The following MEX3D variants were observed in gnomAD, a reference collection of about 807,000 sequenced individuals.
MEX3D encodes RNA-binding protein MEX3D.
A neutral mutation model predicts 6.3 loss-of-function variants in MEX3D; 4 were observed. The ratio of observed to expected loss-of-function variants is 0.64; its 90% confidence interval spans 0.31 to 1.46. The LOEUF is 1.46. Ranked by LOEUF, MEX3D falls within the 40% of genes most tolerant of loss-of-function variation. The probability of loss-of-function intolerance (pLI) is 0.07; values close to 1 mark genes in which losing one functional copy is unlikely to be tolerated. For missense variants in MEX3D, 1,038 were observed against 994.4 expected, an observed-to-expected ratio of 1.04 and a Z score of -0.59; for synonymous variants, 626 against 494.1, an observed-to-expected ratio of 1.27 and a Z score of -3.54.
rs1254923839 is a variant in MEX3D at position 1,554,871 on chromosome 19, C to T, written c.*692G>A. The T allele has an allele frequency of 1.2e-4, 18 of 148,160 alleles. No individual in the cohort carries two copies. Among genetic ancestry groups the T allele is most frequent in the Admixed American group, 1.1e-3 (17 of 14,822 alleles). The allele number at this position is 148,160 out of a possible 1,614,324, so 9.2% of individuals were successfully genotyped here. A position where few individuals can be genotyped will look rare whatever the true frequency, so the allele number is the denominator to read the frequency against. On this transcript the variant is annotated 3_prime_UTR_variant, in exon 2 of 2. Coordinates refer to ENST00000402693, the MANE Select transcript of MEX3D (RefSeq NM_203304.4). ...TTTATTCCATAAAGTACATATTTCCCTATAAATTCCCTACATATACACAAG... is the reference window on the plus strand; with the variant it reads ...TTTATTCCATAAAGTACATATTTCCTTATAAATTCCCTACATATACACAAG...
In MEX3D at chr19:1,555,567, G is replaced by T. The variant is rs1019812452; in HGVS notation, c.1952C>A (p.Ser651Tyr). ...TPATQAIHIF[S>Y] ...GGCCACGTGGTGGTCCGCGCTCTAG[G>T]AAAAGATATGAATGGCCTGGGTGGC... Residue 651 changes from serine (S) to tyrosine (Y), a missense_variant, in exon 2 of 2, where the codon TCC becomes TAC. Ser to Tyr is a moderately radical substitution (Grantham distance 144). Coordinates refer to ENST00000402693, the MANE Select transcript of MEX3D (RefSeq NM_203304.4). The T allele has an allele frequency of 1.3e-6, 2 of 1,580,704 alleles. No homozygotes were observed. The highest frequency in any genetic ancestry group is 1.8e-5 in the Admixed American group (1 of 56,376).
rs1378472667 is a variant in MEX3D, at chr19:1,555,646, C to G, written c.1873G>C (p.Ala625Pro). Residue 625 changes from alanine to proline, a missense_variant, in exon 2 of 2, where the codon GCC (alanine) becomes CCC (proline). Ala to Pro is a conservative substitution (Grantham distance 27, BLOSUM62 -1). Around this residue, in one of 5 missense-constraint regions of MEX3D, gnomAD observed 581 missense variants for 516.2 expected, o/e 1.13. Coordinates refer to ENST00000402693, the MANE Select transcript of MEX3D (RefSeq NM_203304.4). ...CGHNLFCMDC[A>P]VRICGKSEPE... ...TCGCTCTTGCCGCAGATGCGGACGG[C>G]GCAGTCCATGCAGAAGAGGTTGTGG... is the stretch of plus-strand genomic sequence containing the variant. The G allele has an allele frequency of 6.3e-7, 1 of 1,587,694 alleles. No individual in the cohort carries two copies. The highest frequency in any genetic ancestry group is 1.1e-5 in the South Asian group (1 of 87,578).
chr19:1,555,708 G>C lies in MEX3D; in HGVS notation c.1811C>G (p.Ala604Gly). The C allele has an allele frequency of 6.4e-7, 1 of 1,551,810 alleles. No homozygotes were observed. Among genetic ancestry groups the C allele is most frequent in the Non-Finnish European group, 8.7e-7 (1 of 1,154,176 alleles). ...PALARECVVC[A>G]EGEVMAALVP... ...CAGCGCAGCCATCACCTCGCCCTCG[G>C]CGCACACCACGCACTCTCGCGCCAG... Residue 604 changes from alanine (A) to glycine (G), a missense_variant, in exon 2 of 2, where the codon GCC becomes GGC. Around this residue, in one of 5 missense-constraint regions of MEX3D, gnomAD observed 581 missense variants for 516.2 expected, o/e 1.13. Coordinates refer to ENST00000402693, the MANE Select transcript of MEX3D (RefSeq NM_203304.4).
chr19:1,566,871 G>A (rs1462533470), intron 1 of MEX3D, among the ~76,000 whole-genome samples: 2 of 152,120 alleles, frequency 1.3e-5, no homozygotes, highest in Non-Finnish European at 2.9e-5. Flanking sequence ...CCCCAGAAGT[G>A]GCTTTGACAG....
At chr19:1,566,123 A>G (rs997237155) in intron 1 of MEX3D, among the ~76,000 whole-genome samples, 5 of 152,162 alleles carry the variant, frequency 3.3e-5, no homozygotes, top group South Asian at 2.1e-4. Flanking sequence ...GAAGGCCTCA[A>G]TGGGGAGGCA....
In MEX3D at chr19:1,556,087, G is replaced by C. The variant is rs1914539593; in HGVS notation, c.1432C>G (p.Arg478Gly). Reference protein sequence around the residue: ...AAATIWAPFERAAPLPAFSGC... With the variant: ...AAATIWAPFEGAAPLPAFSGC... The stretch of plus-strand genomic sequence containing the variant: ...CTGAAGGCGGGCAAGGGGGCGGCGC[G>C]CTCAAAAGGCGCCCAGATGGTGGCC... The change falls in exon 2 of 2, where the codon CGC becomes GGC. Residue 478 changes from arginine (R) to glycine (G), a missense_variant. Arg to Gly is a moderately radical substitution (Grantham distance 125). Around this residue, in one of 5 missense-constraint regions of MEX3D, gnomAD observed 581 missense variants for 516.2 expected, o/e 1.13. Transcript: ENST00000402693. The surrounding 1 kb of genome is among the most constrained non-coding windows in gnomAD (Gnocchi z 7.5). The C allele has an allele frequency of 7.0e-7, 1 of 1,435,528 alleles. No homozygotes were observed. The highest frequency in any genetic ancestry group is 9.1e-7 in the Non-Finnish European group (1 of 1,093,450). 88.9% of individuals were successfully genotyped at this position (1,435,528 alleles called of 1,614,324 possible). A position where few individuals can be genotyped will look rare whatever the true frequency, so the allele number is the denominator to read the frequency against.
Position 1,562,131 on chromosome 19 carries a change from G to A in MEX3D, c.596-5208C>T, listed in dbSNP as rs145465314. Among the ~76,000 whole-genome samples, 4,364 of 151,872 alleles carry A rather than the reference G, an allele frequency of 0.029. 365 individuals are homozygous for A. In the East Asian group the frequency reaches 0.34, roughly 12 times the overall value. On this transcript the variant is annotated intron_variant, in intron 1 of 1. Coordinates refer to ENST00000402693, the MANE Select transcript of MEX3D (RefSeq NM_203304.4). ...AAAAAATTAGCCGGGTGTGGTGGTG[G>A]GCGCCTGTAGTCCCAGCTACTTGGG...
rs1459591823 is a variant in MEX3D at position 1,568,258 on chromosome 19, C to T, written c.-200G>A. Among the ~76,000 whole-genome samples, 1 of 141,064 alleles carries T rather than the reference C, an allele frequency of 7.1e-6. No individual in the cohort carries two copies. The highest frequency in any genetic ancestry group is 2.1e-4 in the East Asian group (1 of 4,676). 92.5% of individuals were successfully genotyped at this position (141,064 alleles called of 152,430 possible). A position where few individuals can be genotyped will look rare whatever the true frequency, so the allele number is the denominator to read the frequency against. Reference sequence around the variant, plus strand: ...GGGCCGGGCCGGGCGGCGGCAGCGACTCTGGCTGCGGCTCGGCGGCGGCGG... The same window carrying T: ...GGGCCGGGCCGGGCGGCGGCAGCGATTCTGGCTGCGGCTCGGCGGCGGCGG... On this transcript the variant is annotated 5_prime_UTR_variant, in exon 1 of 2. Coordinates refer to ENST00000402693, the MANE Select transcript of MEX3D (RefSeq NM_203304.4).
chr19:1,558,757 G>C (rs574328367), intron 1 of MEX3D, among the ~76,000 whole-genome samples: 1 of 152,198 alleles, frequency 6.6e-6, no homozygotes, highest in Non-Finnish European at 1.5e-5. Context: ...GACTGCAGAC[G>C]CCCGCACCCT....
At chr19:1,557,634 G>A (rs2054264158) in intron 1 of MEX3D, among the ~76,000 whole-genome samples, 2 of 150,654 alleles carry the variant, frequency 1.3e-5, no homozygotes, top group Non-Finnish European at 1.5e-5. Flanking sequence ...GCCAAGTTGG[G>A]TGGATCACGA....
rs1420695092 is a variant in MEX3D, at chr19:1,556,970, G to A, written c.596-47C>T. 1.5e-5 allele frequency: 23 copies of A among 1,544,042 alleles called. No individual in the cohort carries two copies. Among genetic ancestry groups the A allele is most frequent in the African/African-American group, 4.1e-5 (3 of 73,296 alleles). ...GACAAGGTGACCCAGAGCCCCCTGC[G>A]CAGCTCAGCCCCGCTGGGCATGCAG... On this transcript the variant is annotated intron_variant, in intron 1 of 1. Transcript: ENST00000402693. This position sits in a 1 kb window ranked among gnomAD's most constrained non-coding sequence, Gnocchi z 7.5.
Position 1,556,962 on chromosome 19 carries a change from C to A in MEX3D, c.596-39G>T. ...AGGGGAAGGACAAGGTGACCCAGAG[C>A]CCCCTGCGCAGCTCAGCCCCGCTGG... On this transcript the variant is annotated intron_variant, in intron 1 of 1. Coordinates refer to ENST00000402693, the MANE Select transcript of MEX3D (RefSeq NM_203304.4). This position sits in a 1 kb window ranked among gnomAD's most constrained non-coding sequence, Gnocchi z 7.5. 6.4e-7 allele frequency: 1 copy of A among 1,551,730 alleles called. No individual in the cohort carries two copies. Among genetic ancestry groups the A allele is most frequent in the South Asian group, 1.2e-5 (1 of 83,028 alleles).
At chr19:1,560,158 TGGCTTCACAGGCCC>T (rs745368453) in intron 1 of MEX3D, among the ~76,000 whole-genome samples, 25 of 152,324 alleles carry the variant, frequency 1.6e-4, no homozygotes, top group Admixed American at 7.2e-4. Context: ...GTAACAGGCC[TGGCTTCACAGGCCC>T]GGCTTCACAG....
rs1323470719 is a variant in MEX3D, at chr19:1,556,403, G to T, written c.1116C>A (p.Leu372=). 1 of 1,570,046 alleles carries T rather than the reference G, an allele frequency of 6.4e-7. No individual in the cohort carries two copies. Among genetic ancestry groups the T allele is most frequent in the Admixed American group, 1.8e-5 (1 of 57,068 alleles). ...GTCCCTGGTTGGGGGTCTTGGCCCA[G>T]AGGCTGGCGGCCGCCCCGAGCAGGT... ...CLDLLGAAAS[L]WAKTPNQGRR... The change falls in exon 2 of 2, where the codon CTC becomes CTA. Residue 372 remains leucine, a synonymous_variant. Transcript: ENST00000402693. This position sits in a 1 kb window ranked among gnomAD's most constrained non-coding sequence, Gnocchi z 7.5.
rs1381421258 is a variant in MEX3D, at chr19:1,556,024, C to G, written c.1495G>C (p.Ala499Pro). The change falls in exon 2 of 2, where the codon GCC becomes CCC. Residue 499 changes from alanine to proline, a missense_variant. By Grantham distance (27) the Ala-to-Pro change is conservative. This residue lies in a region of MEX3D where 581 missense variants were observed against 516.2 expected (regional missense o/e 1.13). Coordinates refer to ENST00000402693, the MANE Select transcript of MEX3D (RefSeq NM_203304.4). The surrounding 1 kb of genome is among the most constrained non-coding windows in gnomAD (Gnocchi z 7.5). ...CCACTGCTGCGCCGGGCGCCGGCGGCGGGAGGTCCCGGGGCTCCGTTGACC... is the reference window on the plus strand; with the variant it reads ...CCACTGCTGCGCCGGGCGCCGGCGGGGGGAGGTCCCGGGGCTCCGTTGACC... ...STVNGAPGPP[A>P]AGARRSSGAG... 1 of 1,253,938 alleles carries G rather than the reference C, an allele frequency of 8.0e-7. No homozygotes were observed. The highest frequency in any genetic ancestry group is 1.0e-6 in the Non-Finnish European group (1 of 995,904). The allele number at this position is 1,253,938 out of a possible 1,614,324, so 77.7% of individuals were successfully genotyped here.
Position 1,555,678 on chromosome 19 carries a change from G to T in MEX3D, c.1841C>A (p.Pro614His). 6.3e-7 allele frequency: 1 copy of T among 1,577,090 alleles called. No homozygotes were observed. ...AEGEVMAALV[P>H]CGHNLFCMDC... The stretch of plus-strand genomic sequence containing the variant: ...CATGCAGAAGAGGTTGTGGCCGCAG[G>T]GGACCAGCGCAGCCATCACCTCGCC... Residue 614 changes from proline to histidine, a missense_variant, in exon 2 of 2, where the codon CCC becomes CAC. By Grantham distance (77) the Pro-to-His change is moderately conservative (BLOSUM62 -2). Transcript: ENST00000402693.
chr19:1,565,659 G>A (rs946816453), intron 1 of MEX3D, among the ~76,000 whole-genome samples: 5 of 152,168 alleles, frequency 3.3e-5, no homozygotes, highest in African/African-American at 1.2e-4. Flanking sequence ...CGGCCTGCAG[G>A]ACAAGCAATC....
intron 1 of MEX3D, among the ~76,000 whole-genome samples, chr19:1,562,758 TA>T (rs922073602): frequency 1.3e-5 from 2 of 151,964 alleles, no homozygotes; most frequent in African/African-American, 2.4e-5. Context: ...CTCACACCTG[TA>T]ATCCCAGCAC....
At chr19:1,563,100 A>G (rs912204991) in intron 1 of MEX3D, among the ~76,000 whole-genome samples, 10 of 152,234 alleles carry the variant, frequency 6.6e-5, no homozygotes, top group African/African-American at 2.4e-4. Context: ...TTGGGTCTGC[A>G]GTGTGGAGGT....
Sources: gnomAD v4.1 joint callset for allele counts (sites outside exome capture counted in the v4.1 genomes callset) on GRCh38, gnomAD v4.1.1 for gene constraint, gnomAD v4.1.1 regional missense constraint, Gnocchi (gnomAD v3.1) non-coding constraint, MANE v1.5 for transcripts, NCBI Gene and HGNC (gene_info 2026-07-23, HGNC 2026-07-21) for gene names.